Variants in PTBP3 observed in about 807,000 individuals in gnomAD.
The protein encoded by PTBP3 is polypyrimidine tract-binding protein 3.
Under a neutral mutation model 58.7 loss-of-function variants are expected in PTBP3, and 20 were observed. The observed-to-expected ratio is 0.34, with a 90% CI of 0.24 to 0.50. The LOEUF (loss-of-function observed/expected upper bound fraction) is 0.50, where lower values mean the gene tolerates loss of function less well. PTBP3 is among the 20% of genes least tolerant of loss of function. The pLI is 0.98. For missense variants in PTBP3, 509 were observed against 637.2 expected (o/e 0.80, Z 2.17); for synonymous variants, 185 against 219.8 (o/e 0.84, Z 1.40).
chr9:112,320,314 A>ATATATATATATTTTTTT, intron 1 of PTBP3, among the ~76,000 whole-genome samples: 154 of 75,650 alleles, frequency 2.0e-3, no homozygotes, highest in Non-Finnish European at 2.9e-3. Context: ...ATATATATAT[A>ATATATATATATTTTTTT]TTTTTTTTTA....
chr9:112,333,777 G>A, upstream of PTBP3: 1 of 276,658 alleles, frequency 3.6e-6, no homozygotes. Flanking sequence ...TCGCCCCGCT[G>A]GCAGCCGGCC....
chr9:112,294,049 T>G (rs577771026), intron 2 of PTBP3, among the ~76,000 whole-genome samples: 2 of 152,154 alleles, frequency 1.3e-5, no homozygotes, highest in Admixed American at 1.3e-4. Context: ...AGGCATGCAA[T>G]AATGGGTCAA....
intron 8 of PTBP3, among the ~76,000 whole-genome samples, chr9:112,232,518 T>A (rs1020808607): frequency 6.6e-6 from 1 of 152,104 alleles, no homozygotes; most frequent in African/African-American, 2.4e-5. Flanking sequence ...TTTCAGAGGG[T>A]CTATCAACTA....
intron 10 of PTBP3, among the ~76,000 whole-genome samples, chr9:112,230,900 T>A (rs1198011221): frequency 6.6e-6 from 1 of 152,240 alleles, no homozygotes; most frequent in African/African-American, 2.4e-5. Context: ...GGCTTCCGAT[T>A]GTTCTTAGGT....
chr9:112,315,512 T>C (rs1320730335), intron 1 of PTBP3, among the ~76,000 whole-genome samples: 1 of 151,960 alleles, frequency 6.6e-6, no homozygotes, highest in Non-Finnish European at 1.5e-5. Context: ...AGGAGGAGGA[T>C]CACTTGAGCC....
intron 1 of PTBP3, among the ~76,000 whole-genome samples, chr9:112,329,890 A>G (rs1830301981): frequency 7.0e-6 from 1 of 142,128 alleles, no homozygotes. Flanking sequence ...CCCATTGTCC[A>G]GGCTGGAGTG....
chr9:112,345,349 A>AG, the PTBP3 span, among the ~76,000 whole-genome samples: 1 of 108,088 alleles, frequency 9.3e-6, no homozygotes, highest in Non-Finnish European at 1.7e-5. Context: ...TCTAAAAAAA[A>AG]AAAAAAAAAA....
At position 112,234,864 on chromosome 9, in the gene PTBP3, C is replaced by A; in HGVS notation, c.836G>T (p.Gly279Val). ...APGIISSPYA[G>V]AAGFAPAIGF... ...AATGGCTGGGGCAAATCCAGCAGCCCCTGCATATGGTGAAGAAATTATACC... is the reference window on the plus strand; with the variant it reads ...AATGGCTGGGGCAAATCCAGCAGCCACTGCATATGGTGAAGAAATTATACC... The change falls in exon 8 of 14, where the codon GGG (glycine) becomes GTG (valine). Residue 279 changes from glycine (G) to valine (V), a missense_variant. Coordinates refer to ENST00000374257, the MANE Select transcript of PTBP3 (RefSeq NM_001163788.4). 1 of 1,612,836 alleles carries A rather than the reference C, an allele frequency of 6.2e-7. No homozygotes were observed. The highest frequency in any genetic ancestry group is 8.5e-7 in the Non-Finnish European group (1 of 1,179,162).
intron 3 of PTBP3, among the ~76,000 whole-genome samples, chr9:112,272,059 T>TC (rs1374461708): frequency 1.3e-5 from 2 of 151,768 alleles, no homozygotes; most frequent in African/African-American, 4.9e-5. Context: ...TTGTCCCCCA[T>TC]CTCACTCTTT....
chr9:112,334,010 G>T (rs1830507565), upstream of PTBP3, among the ~76,000 whole-genome samples: 1 of 151,574 alleles, frequency 6.6e-6, no homozygotes, highest in Non-Finnish European at 1.5e-5. Flanking sequence ...GCCTCCCTCT[G>T]CCGGCAGGAA....
At chr9:112,376,980 C>G in the PTBP3 span, among the ~76,000 whole-genome samples, 2 of 152,208 alleles carry the variant, frequency 1.3e-5, no homozygotes, top group East Asian at 3.8e-4. Flanking sequence ...TTATGAATGC[C>G]AATTTACTTG....
chr9:112,366,214 C>T, the PTBP3 span, among the ~76,000 whole-genome samples: 5,714 of 151,482 alleles, frequency 0.038, 172 homozygotes, highest in South Asian at 0.09. Flanking sequence ...ACCCAGGAAG[C>T]GGAGATTGCA....
At chr9:112,321,597 T>C (rs1359986418) in intron 1 of PTBP3, among the ~76,000 whole-genome samples, 1 of 150,762 alleles carries the variant, frequency 6.6e-6, no homozygotes, top group Non-Finnish European at 1.5e-5. Context: ...CTTGGACCAA[T>C]CAGGGAAGTA....
chr9:112,295,247 A>C (rs1384006457), intron 2 of PTBP3, among the ~76,000 whole-genome samples: 1 of 78,550 alleles, frequency 1.3e-5, no homozygotes, highest in Non-Finnish European at 3.2e-5. Context: ...TCTCAAAAGA[A>C]AAAAAAAAAA....
chr9:112,256,963 A>C (rs919339682), intron 5 of PTBP3, among the ~76,000 whole-genome samples: 4 of 152,188 alleles, frequency 2.6e-5, no homozygotes, highest in Admixed American at 2.6e-4. Flanking sequence ...TTAGTGAAGG[A>C]GTAGGAAAAC....
chr9:112,378,533 C>T, the PTBP3 span, among the ~76,000 whole-genome samples: 1 of 152,190 alleles, frequency 6.6e-6, no homozygotes, highest in African/African-American at 2.4e-5. Context: ...GAAATGTCAC[C>T]CCGTTACTAA....
intron 1 of PTBP3, among the ~76,000 whole-genome samples, chr9:112,331,490 CTA>C (rs988478600): frequency 2.0e-5 from 3 of 152,172 alleles, no homozygotes; most frequent in African/African-American, 7.2e-5. Context: ...ATAAATGACT[CTA>C]GATGATGTAA....
chr9:112,310,893 A>T (rs1235394854), intron 1 of PTBP3, among the ~76,000 whole-genome samples: 1 of 152,260 alleles, frequency 6.6e-6, no homozygotes, highest in African/African-American at 2.4e-5. Flanking sequence ...CTGGAAAAAC[A>T]GTAAGGAGGC....
At position 112,332,747 on chromosome 9, in the gene PTBP3, G is replaced by A. The variant is rs768849836; in HGVS notation, c.-52+723C>T. The A allele has an allele frequency of 1.2e-5, 19 of 1,608,530 alleles. 1 individual carries two copies. The highest frequency in any genetic ancestry group is 1.6e-5 in the Non-Finnish European group (19 of 1,177,674). ...CATTAAATTTTTGAGCATTTGAAAT[G>A]CCCCCGAAAATCGCTCGTACATCAT... On this transcript the variant is annotated intron_variant, in intron 1 of 13. Coordinates refer to ENST00000374257, the MANE Select transcript of PTBP3 (RefSeq NM_001163788.4).
Sources: allele counts gnomAD v4.1 joint callset (sites outside exome capture counted in the v4.1 genomes callset), GRCh38; gene constraint gnomAD v4.1.1; transcripts MANE v1.5; gene names NCBI Gene and HGNC (gene_info 2026-07-23, HGNC 2026-07-21).